The following PC variants were observed in gnomAD, a reference collection of about 807,000 sequenced individuals.
PC encodes pyruvate carboxylase, mitochondrial.
PC carries 46 observed loss-of-function variants against 107.8 expected under a neutral mutation model. The ratio of observed to expected loss-of-function variants is 0.43; its 90% confidence interval spans 0.34 to 0.55. The LOEUF is 0.55. PC is among the 20% of genes least tolerant of loss of function. The pLI is 0.04. For synonymous variants in PC, 662 were observed against 684.7 expected, an observed-to-expected ratio of 0.97 and a Z score of 0.52; for missense variants, 1,241 against 1,643.1, an observed-to-expected ratio of 0.76 and a Z score of 4.23.
chr11:66,914,127 T>C (rs1338131512), intron 3 of PC, among the ~76,000 whole-genome samples: 2 of 152,210 alleles, frequency 1.3e-5, no homozygotes, highest in Admixed American at 6.5e-5. Flanking sequence ...TTCTCCCTAC[T>C]GGATAAAACA....
chr11:66,912,738 TG>T (rs1948365326), intron 3 of PC, among the ~76,000 whole-genome samples: 1 of 152,074 alleles, frequency 6.6e-6, no homozygotes. Context: ...TGGGGATGGT[TG>T]GGGAAGGAGG....
rs1460750805 is a variant in PC at position 66,954,335 on chromosome 11, GGTAA to G, written c.-130_-127del. ...CCAAGATGAAGCAAGCTTTTCATTC[GGTAA>G]GTAAGAGGAAATGGTTTATTCTTTT... On this transcript the variant is annotated 5_prime_UTR_variant, in exon 2 of 23. An upstream open reading frame in the 5' UTR gains an earlier in-frame stop. Transcript: ENST00000393960. 3 of 152,190 alleles carry G rather than the reference GGTAA, an allele frequency of 2.0e-5. No homozygotes were observed. The highest frequency in any genetic ancestry group is 3.8e-4 in the East Asian group (2 of 5,202). The allele number at this position is 152,190 out of a possible 1,614,324, so 9.4% of individuals were successfully genotyped here.
intron 3 of PC, chr11:66,907,790 C>T (rs1478702270): frequency 6.6e-6 from 1 of 152,296 alleles, no homozygotes; most frequent in Admixed American, 6.5e-5. Flanking sequence ...GGACAAAGTG[C>T]CTAGAGGCCT....
At chr11:66,953,535 A>AG (rs1275449914) in intron 2 of PC, among the ~76,000 whole-genome samples, 1 of 152,208 alleles carries the variant, frequency 6.6e-6, no homozygotes, top group Non-Finnish European at 1.5e-5. Context: ...CACCTACCCT[A>AG]GCCACTAGTC....
chr11:66,850,622 T>G, intron 18 of PC, 52 bp downstream of exon 18: 2 of 1,602,070 alleles, frequency 1.2e-6, no homozygotes, highest in Non-Finnish European at 8.5e-7. Context: ...CTGGGACTGG[T>G]GGTGGCTGCG....
rs190192459 is a variant in PC at position 66,905,058 on chromosome 11, T to C, written c.1-32899A>G. Among the ~76,000 whole-genome samples, 5 of 152,362 alleles carry C rather than the reference T, an allele frequency of 3.3e-5. No individual in the cohort carries two copies. In the East Asian group the frequency reaches 9.6e-4, roughly 29 times the overall value. On this transcript the variant is annotated intron_variant, in intron 3 of 22. Transcript: ENST00000393960. ...ATTAGATTTCACCTCATCAGAGGTA[T>C]CAAGTGTTTACTGAGCAACAAACTG...
intron 3 of PC, among the ~76,000 whole-genome samples, chr11:66,947,853 C>T (rs1949337199): frequency 6.6e-6 from 1 of 150,688 alleles, no homozygotes; most frequent in Non-Finnish European, 1.5e-5. Context: ...GTCCCAGCTA[C>T]TTGGGAGGCT....
At chr11:66,925,354 A>G (rs780160515) in intron 3 of PC, among the ~76,000 whole-genome samples, 2 of 152,168 alleles carry the variant, frequency 1.3e-5, no homozygotes, top group Non-Finnish European at 2.9e-5. Flanking sequence ...GCTGCCCCCG[A>G]AGCGGCCATT....
At chr11:66,955,700 G>A (rs1022319846) in intron 1 of PC, among the ~76,000 whole-genome samples, 1 of 152,114 alleles carries the variant, frequency 6.6e-6, no homozygotes, top group Non-Finnish European at 1.5e-5. Context: ...GAGCTTACCA[G>A]AACACCATGG....
chr11:66,942,068 C>A (rs1340734992), intron 3 of PC, among the ~76,000 whole-genome samples: 1 of 149,806 alleles, frequency 6.7e-6, no homozygotes, highest in Non-Finnish European at 1.5e-5. Flanking sequence ...CACCATTGCA[C>A]TCCAGCCTGG....
At chr11:66,949,745 T>C (rs957700906) in intron 3 of PC, among the ~76,000 whole-genome samples, 2 of 152,174 alleles carry the variant, frequency 1.3e-5, no homozygotes, top group African/African-American at 4.8e-5. Flanking sequence ...TCAGAAAGAT[T>C]TATAGGCTAC....
At chr11:66,860,337 C>T in intron 12 of PC, 1 of 1,268,654 alleles carries the variant, frequency 7.9e-7, no homozygotes, top group Non-Finnish European at 1.1e-6. Flanking sequence ...GGGCAGGGAG[C>T]CCTTTCCTCG....
At chr11:66,948,433 T>G (rs1045272715) in intron 3 of PC, among the ~76,000 whole-genome samples, 3 of 152,152 alleles carry the variant, frequency 2.0e-5, no homozygotes, top group Non-Finnish European at 2.9e-5. Flanking sequence ...AGGTGATGAA[T>G]GTGTTCACTC....
chr11:66,894,719 A>ACCC (rs1947690946), intron 3 of PC, among the ~76,000 whole-genome samples: 2 of 152,202 alleles, frequency 1.3e-5, no homozygotes, highest in South Asian at 4.1e-4. Context: ...GGCAGGCTGA[A>ACCC]AGCTTTCAAA....
chr11:66,885,309 C>T (rs1172007102), intron 3 of PC, among the ~76,000 whole-genome samples: 2 of 151,986 alleles, frequency 1.3e-5, no homozygotes, highest in Non-Finnish European at 1.5e-5. Flanking sequence ...GCCAACAAGG[C>T]GAAACCCATC....
chr11:66,882,362 G>A (rs754385354), intron 3 of PC, among the ~76,000 whole-genome samples: 6 of 152,196 alleles, frequency 3.9e-5, no homozygotes, highest in Non-Finnish European at 8.8e-5. Context: ...CTCACAGAGC[G>A]TCTCCTGCAG....
At chr11:66,919,373 G>A (rs777886008) in intron 3 of PC, among the ~76,000 whole-genome samples, 2 of 152,206 alleles carry the variant, frequency 1.3e-5, no homozygotes. Context: ...CCAAGATTGA[G>A]CCACCGTACT....
rs776530207 is a variant in PC at position 66,858,729 on chromosome 11, C to G, written c.1368+5045G>C. ...GTTGGTTGGCAACTCCTCCCGAGCC[C>G]GGGCTTTCCCCAACGGGACCTTAGA... On this transcript the variant is annotated intron_variant, in intron 12 of 22. Coordinates refer to ENST00000393960, the MANE Select transcript of PC (RefSeq NM_001040716.2). The surrounding 1 kb of genome is among the most constrained non-coding windows in gnomAD (Gnocchi z 5.9). 2 of 1,553,176 alleles carry G rather than the reference C, an allele frequency of 1.3e-6. No individual in the cohort carries two copies. The highest frequency in any genetic ancestry group is 1.9e-5 in the Admixed American group (1 of 51,904).
Position 66,863,813 on chromosome 11 carries a change from C to T in PC, c.1329G>A (p.Met443Ile), listed in dbSNP as rs1408785983. Reference sequence around the variant, plus strand: ...CGCGGAACTCCGCAAGGGCCCTGCTCATCTTGGTGGCGGCCGTGGGGTGGT... The same window carrying T: ...CGCGGAACTCCGCAAGGGCCCTGCTTATCTTGGTGGCGGCCGTGGGGTGGT... ...GKDHPTAATKMSRALAEFRVR... is the reference protein window; with the variant it reads ...GKDHPTAATKISRALAEFRVR... Residue 443 changes from methionine to isoleucine, a missense_variant, in exon 12 of 23, where the codon ATG (methionine) becomes ATA (isoleucine). By Grantham distance (10) the Met-to-Ile change is conservative. This residue lies in a region of PC where 1,143 missense variants were observed against 1,551.9 expected (regional missense o/e 0.74). Coordinates refer to ENST00000393960, the MANE Select transcript of PC (RefSeq NM_001040716.2). The T allele has an allele frequency of 6.2e-7, 1 of 1,613,552 alleles. No homozygotes were observed. Among genetic ancestry groups the T allele is most frequent in the Non-Finnish European group, 8.5e-7 (1 of 1,179,974 alleles).
Sources: allele counts gnomAD v4.1 joint callset (sites outside exome capture counted in the v4.1 genomes callset), GRCh38; gene constraint gnomAD v4.1.1; regional missense constraint gnomAD v4.1.1; non-coding constraint Gnocchi (gnomAD v3.1); transcripts MANE v1.5; gene names NCBI Gene and HGNC (gene_info 2026-07-23, HGNC 2026-07-21).